ANKRD26: variants seen among roughly 807,000 people sequenced by gnomAD.
The protein encoded by ANKRD26 is ankyrin repeat domain-containing protein 26.
Under a neutral mutation model 208.7 loss-of-function variants are expected in ANKRD26, and 141 were observed. The observed-to-expected ratio is 0.68, with a 90% CI of 0.59 to 0.78. The LOEUF (loss-of-function observed/expected upper bound fraction) is 0.78. Ranked by LOEUF, ANKRD26 falls within the 30% of genes least tolerant of loss-of-function variation. The pLI, the probability that ANKRD26 is intolerant of heterozygous loss-of-function variation, is 0.00. For synonymous variants in ANKRD26, 636 were observed against 660.4 expected, an observed-to-expected ratio of 0.96 and a Z score of 0.57; for missense variants, 1,889 against 1,938.7, an observed-to-expected ratio of 0.97 and a Z score of 0.48.
At chr10:26,988,010 A>C (rs1256122497), downstream of ANKRD26, among the ~76,000 whole-genome samples, 1 of 152,096 alleles carries the variant, frequency 6.6e-6, no homozygotes, top group African/African-American at 2.4e-5. Context: ...GAATAGGGAG[A>C]AAGGCAATTT....
downstream of ANKRD26, among the ~76,000 whole-genome samples, chr10:27,003,871 C>A (rs545969037): frequency 6.6e-6 from 1 of 152,166 alleles, no homozygotes; most frequent in African/African-American, 2.4e-5. Flanking sequence ...ACTATAGAAA[C>A]GGAACAATTG....
chr10:27,010,900 A>T (rs540903812), intron 32 of ANKRD26, among the ~76,000 whole-genome samples: 4 of 152,204 alleles, frequency 2.6e-5, no homozygotes, highest in Admixed American at 6.5e-5. Context: ...TCATTGTCAG[A>T]AAAATAAGAC....
At chr10:26,972,091 C>T (rs1310879476), downstream of ANKRD26, among the ~76,000 whole-genome samples, 13 of 151,962 alleles carry the variant, frequency 8.6e-5, no homozygotes, top group Admixed American at 2.6e-4. Flanking sequence ...AAAAATTAGC[C>T]AGGCGTGGTG....
intron 31 of ANKRD26, among the ~76,000 whole-genome samples, chr10:27,013,471 G>T (rs1366747664): frequency 6.6e-6 from 1 of 152,102 alleles, no homozygotes; most frequent in Non-Finnish European, 1.5e-5. Flanking sequence ...TGTCTTTAAA[G>T]GGTAAATATG....
intron 15 of ANKRD26, 106 bp from the exon 16 acceptor site, chr10:27,053,496 GA>G: frequency 1.2e-6 from 1 of 825,218 alleles, no homozygotes; most frequent in East Asian, 2.9e-5. Flanking sequence ...TTTATAAATC[GA>G]GAGGGTTTTC....
chr10:27,084,872 C>CAA (rs375120568), intron 5 of ANKRD26, among the ~76,000 whole-genome samples: 5 of 99,338 alleles, frequency 5.0e-5, no homozygotes, highest in East Asian at 3.2e-4. Context: ...AACTCCATTT[C>CAA]AAAAAAAAAA....
intron 20 of ANKRD26, among the ~76,000 whole-genome samples, chr10:27,040,585 C>T (rs753387233): frequency 1.4e-4 from 22 of 152,126 alleles, no homozygotes; most frequent in Admixed American, 2.6e-4. Flanking sequence ...CAGTCTGCAG[C>T]GTGTGCTGAG....
At chr10:27,064,113 A>T (rs2055158979) in intron 11 of ANKRD26, 32 bp from the exon 12 acceptor site, 1 of 1,434,830 alleles carries the variant, frequency 7.0e-7, no homozygotes, top group African/African-American at 1.4e-5. Flanking sequence ...ATGAGTTTCA[A>T]TTTTACAAAA....
At chr10:27,014,795 T>C (rs1589216844) in intron 30 of ANKRD26, 84 bp from the exon 31 acceptor site, 1 of 1,158,590 alleles carries the variant, frequency 8.6e-7, no homozygotes, top group East Asian at 2.5e-5. Context: ...AAGGGCTGTT[T>C]TGTTTTTAAC....
At chr10:26,982,577 G>T (rs891102880) in intron 4 of ANKRD26, among the ~76,000 whole-genome samples, 4 of 151,364 alleles carry the variant, frequency 2.6e-5, no homozygotes, top group Non-Finnish European at 5.9e-5. Flanking sequence ...ATTCTTAGGT[G>T]GTCTTGTCTC....
chr10:26,972,216 C>A (rs1589156432), downstream of ANKRD26, among the ~76,000 whole-genome samples: 1 of 136,702 alleles, frequency 7.3e-6, no homozygotes, highest in Admixed American at 8.0e-5. Context: ...GCCTGGGCGA[C>A]AGAGCGAGAC....
At chr10:26,967,829 T>A in the ANKRD26 span, among the ~76,000 whole-genome samples, 1 of 152,186 alleles carries the variant, frequency 6.6e-6, no homozygotes, top group East Asian at 1.9e-4. Flanking sequence ...CCATGTACTG[T>A]CCATTGGGCC....
At chr10:27,081,264 G>A (rs1370057075) in intron 6 of ANKRD26, among the ~76,000 whole-genome samples, 1 of 151,282 alleles carries the variant, frequency 6.6e-6, no homozygotes, top group Non-Finnish European at 1.5e-5. Flanking sequence ...TATCATTATC[G>A]AACTTGTCAA....
chr10:26,994,644 T>C (rs2052551359), intron 5 of ANKRD26, among the ~76,000 whole-genome samples: 1 of 152,230 alleles, frequency 6.6e-6, no homozygotes, highest in Admixed American at 6.5e-5. Context: ...ATCAGCAGAT[T>C]GGTTACCCTG....
chr10:27,064,829 C>T (rs1009721723), intron 11 of ANKRD26, among the ~76,000 whole-genome samples: 1 of 146,994 alleles, frequency 6.8e-6, no homozygotes, highest in Non-Finnish European at 1.5e-5. Flanking sequence ...GAAATAATTT[C>T]AAAAAAGTAT....
At chr10:26,987,857 C>T (rs2052416563), downstream of ANKRD26, among the ~76,000 whole-genome samples, 1 of 152,158 alleles carries the variant, frequency 6.6e-6, no homozygotes, top group African/African-American at 2.4e-5. Flanking sequence ...CAGACTTCTA[C>T]AGAATGGAAG....
intron 32 of ANKRD26, among the ~76,000 whole-genome samples, chr10:27,011,224 T>A (rs2053094197): frequency 6.6e-6 from 1 of 152,152 alleles, no homozygotes; most frequent in Non-Finnish European, 1.5e-5. Flanking sequence ...CTAGTTGCTA[T>A]TTATTTATTT....
At chr10:27,030,311 G>C in intron 25 of ANKRD26, 1 of 889,824 alleles carries the variant, frequency 1.1e-6, no homozygotes, top group Non-Finnish European at 1.3e-6. Flanking sequence ...AACAATTATA[G>C]ATTACTTTCT....
At chr10:26,959,107 T>G in the ANKRD26 span, among the ~76,000 whole-genome samples, 1 of 151,696 alleles carries the variant, frequency 6.6e-6, no homozygotes, top group Non-Finnish European at 1.5e-5. Context: ...TGAGGAGTGT[T>G]GAAACTACTA....
Sources: gnomAD v4.1 joint callset for allele counts (sites outside exome capture counted in the v4.1 genomes callset) on GRCh38, gnomAD v4.1.1 for gene constraint, MANE v1.5 for transcripts, NCBI Gene and HGNC (gene_info 2026-07-23, HGNC 2026-07-21) for gene names.